Variants in STK39 observed in about 807,000 individuals in gnomAD.
The protein encoded by STK39 is STE20/SPS1-related proline-alanine-rich protein kinase.
Under a neutral mutation model 77.8 loss-of-function variants are expected in STK39, and 20 were observed. That is an observed-to-expected ratio of 0.26 (90% CI 0.18 to 0.37). STK39 has a LOEUF of 0.37. Among genes scored for constraint, STK39 ranks in the 10% least tolerant of loss-of-function variants. The pLI is 1.00. For missense variants in STK39, 479 were observed against 656.5 expected, an observed-to-expected ratio of 0.73 and a Z score of 2.95; for synonymous variants, 246 against 234.1, an observed-to-expected ratio of 1.05 and a Z score of -0.47.
intron 14 of STK39, among the ~76,000 whole-genome samples, chr2:168,052,782 A>C (rs139317364): frequency 6.6e-6 from 1 of 152,356 alleles, no homozygotes; most frequent in African/African-American, 2.4e-5. Context: ...TCTTTAAAGA[A>C]TAAGCTTTCG....
chr2:168,083,617 T>C (rs973756306), intron 10 of STK39, among the ~76,000 whole-genome samples: 2 of 151,982 alleles, frequency 1.3e-5, no homozygotes, highest in Admixed American at 6.6e-5. Context: ...AGGGACAGTA[T>C]GGAAGGGTAG....
At chr2:168,066,230 G>C (rs188968656) in intron 12 of STK39, among the ~76,000 whole-genome samples, 2 of 152,158 alleles carry the variant, frequency 1.3e-5, no homozygotes, top group Non-Finnish European at 2.9e-5. Flanking sequence ...TGAAGTAATA[G>C]GGAAAAGTGT....
intron 14 of STK39, among the ~76,000 whole-genome samples, chr2:168,052,947 AGAT>A (rs1256096483): frequency 6.6e-6 from 1 of 152,214 alleles, no homozygotes; most frequent in Non-Finnish European, 1.5e-5. Context: ...GCTGCTACAC[AGAT>A]GATGACAACC....
intron 14 of STK39, among the ~76,000 whole-genome samples, chr2:168,020,341 A>G (rs1684539019): frequency 1.3e-5 from 2 of 152,308 alleles, no homozygotes; most frequent in African/African-American, 4.8e-5. Flanking sequence ...CCTCTGTAAT[A>G]TCAGGCTTAG....
chr2:168,044,025 A>T lies in STK39; in HGVS notation c.1376+19475T>A, dbSNP rs141929063. Reference sequence around the variant, plus strand: ...AAATAGAACAGCACTTTATCAAAATAATTATTATTCCTTTCTCTGGGGAGG... The same window carrying T: ...AAATAGAACAGCACTTTATCAAAATTATTATTATTCCTTTCTCTGGGGAGG... On this transcript the variant is annotated intron_variant, in intron 14 of 17. Coordinates refer to ENST00000355999, the MANE Select transcript of STK39 (RefSeq NM_013233.3). 2.8e-4 allele frequency among the ~76,000 whole-genome samples: 42 copies of T among 152,350 alleles called. No homozygotes were observed. The East Asian group carries it at 7.7e-3, about 28-fold the overall frequency.
intron 10 of STK39, among the ~76,000 whole-genome samples, chr2:168,121,455 G>C (rs930294488): frequency 6.6e-6 from 1 of 152,200 alleles, no homozygotes; most frequent in Non-Finnish European, 1.5e-5. Context: ...TTACTGTAGT[G>C]AAAGAAAGCC....
chr2:167,987,544 A>C (rs1358707655), intron 16 of STK39, among the ~76,000 whole-genome samples: 2 of 152,180 alleles, frequency 1.3e-5, no homozygotes, highest in Non-Finnish European at 2.9e-5. Context: ...ATGGCTGTCC[A>C]ATCATTTAAT....
intron 17 of STK39, among the ~76,000 whole-genome samples, chr2:167,957,877 C>T (rs1378584648): frequency 2.6e-5 from 4 of 152,168 alleles, no homozygotes; most frequent in Non-Finnish European, 5.9e-5. Flanking sequence ...GAGAACATCA[C>T]AGAAGGAGTC....
At position 167,955,232 on chromosome 2, in the gene STK39, A is replaced by C; in HGVS notation, c.*264T>G. 1 of 282,898 alleles carries C rather than the reference A, an allele frequency of 3.5e-6. No individual in the cohort carries two copies. Among genetic ancestry groups the C allele is most frequent in the Non-Finnish European group, 6.7e-6 (1 of 150,118 alleles). 17.5% of individuals were successfully genotyped at this position (282,898 alleles called of 1,614,324 possible). On this transcript the variant is annotated 3_prime_UTR_variant, in exon 18 of 18. Transcript: ENST00000355999. ...AGAATATTAAATAGCTTTTGGAAAA[A>C]TGAGCAACAGTCGTGCAGCTGTGGC...
intron 10 of STK39, among the ~76,000 whole-genome samples, chr2:168,112,194 T>C (rs920507984): frequency 6.6e-6 from 1 of 151,730 alleles, no homozygotes; most frequent in Non-Finnish European, 1.5e-5. Flanking sequence ...ATCCATTCAA[T>C]CTCTACAGAA....
intron 14 of STK39, among the ~76,000 whole-genome samples, chr2:168,045,925 C>T (rs1330494602): frequency 6.6e-6 from 1 of 152,116 alleles, no homozygotes; most frequent in East Asian, 1.9e-4. Context: ...ACTACCAATA[C>T]AACTGCAGGA....
At chr2:168,215,752 G>A (rs1690009836) in intron 1 of STK39, among the ~76,000 whole-genome samples, 1 of 152,126 alleles carries the variant, frequency 6.6e-6, no homozygotes, top group African/African-American at 2.4e-5. Context: ...AGGAAAGGGG[G>A]AAAAAATGGA....
intron 16 of STK39, among the ~76,000 whole-genome samples, chr2:168,008,570 A>C (rs1265687358): frequency 1.3e-5 from 2 of 152,192 alleles, no homozygotes; most frequent in African/African-American, 4.8e-5. Flanking sequence ...TCTGGAATTC[A>C]AAATAAAAGT....
At chr2:168,200,021 C>A (rs976470123) in intron 1 of STK39, among the ~76,000 whole-genome samples, 1 of 152,156 alleles carries the variant, frequency 6.6e-6, no homozygotes, top group African/African-American at 2.4e-5. Flanking sequence ...AAGATAGTAT[C>A]TGACCTGAAT....
chr2:168,143,527 A>G (rs761627855), intron 5 of STK39, among the ~76,000 whole-genome samples: 15 of 152,134 alleles, frequency 9.9e-5, no homozygotes, highest in South Asian at 2.1e-4. Context: ...CCAGGCCAAC[A>G]TGGTGAAACC....
At chr2:168,018,820 T>G (rs142079590) in intron 14 of STK39, among the ~76,000 whole-genome samples, 6 of 152,216 alleles carry the variant, frequency 3.9e-5, no homozygotes, top group Non-Finnish European at 7.4e-5. Flanking sequence ...CACAGCCTGA[T>G]TTTGGTTCTT....
intron 14 of STK39, among the ~76,000 whole-genome samples, chr2:168,030,592 G>A (rs544202937): frequency 6.6e-6 from 1 of 152,122 alleles, no homozygotes; most frequent in South Asian, 2.1e-4. Context: ...AAGTGTTAAC[G>A]CCAGTGTCCT....
intron 14 of STK39, among the ~76,000 whole-genome samples, chr2:168,017,410 G>GT (rs1304800008): frequency 1.7e-5 from 2 of 120,334 alleles, no homozygotes; most frequent in East Asian, 5.7e-4. Flanking sequence ...TTGAGACAGA[G>GT]TTTCGCTCTT....
At chr2:167,978,432 T>C (rs1683336045) in intron 16 of STK39, among the ~76,000 whole-genome samples, 1 of 152,220 alleles carries the variant, frequency 6.6e-6, no homozygotes, top group Non-Finnish European at 1.5e-5. Flanking sequence ...GAGTCAGGTC[T>C]GATCTCTTCC....
Sources: allele counts gnomAD v4.1 joint callset (sites outside exome capture counted in the v4.1 genomes callset), GRCh38; gene constraint gnomAD v4.1.1; transcripts MANE v1.5; gene names NCBI Gene and HGNC (gene_info 2026-07-23, HGNC 2026-07-21).